The following GALNT13 variants were observed in gnomAD, a reference collection of about 807,000 sequenced individuals.
The protein encoded by GALNT13 is UDP-GalNAc:polypeptide N-acetylgalactosaminyltransferase 13.
In GALNT13, 28 loss-of-function variants were observed where a neutral mutation model predicts 64.2. The observed-to-expected ratio is 0.44, with a 90% CI of 0.32 to 0.60. The LOEUF (loss-of-function observed/expected upper bound fraction) is 0.60. GALNT13 is among the 20% of genes least tolerant of loss of function. The pLI, the probability that GALNT13 is intolerant of heterozygous loss-of-function variation, is 0.05. For synonymous variants in GALNT13, 214 were observed against 224.6 expected (o/e 0.95, Z 0.42); for missense variants, 577 against 669.8 (o/e 0.86, Z 1.53).
chr2:153,215,600 G>A, the GALNT13 span, among the ~76,000 whole-genome samples: 11 of 152,030 alleles, frequency 7.2e-5, no homozygotes, highest in Non-Finnish European at 1.3e-4. Context: ...CAAAAGAAGG[G>A]GATGCGGGTT....
At chr2:153,318,004 TTA>T in the GALNT13 span, among the ~76,000 whole-genome samples, 3 of 152,142 alleles carry the variant, frequency 2.0e-5, no homozygotes, top group Non-Finnish European at 4.4e-5. Context: ...CTGCTGTGAA[TTA>T]TGGCTGTGCT....
chr2:153,623,864 T>C, the GALNT13 span, among the ~76,000 whole-genome samples: 8 of 151,980 alleles, frequency 5.3e-5, no homozygotes, highest in African/African-American at 1.9e-4. Context: ...GTTTTATAAG[T>C]GAGGAATTAA....
Position 153,944,591 on chromosome 2 carries a change from A to AACAAATGT in GALNT13, c.95_102dup (p.Asp35ThrfsTer15). The AACAAATGT allele has an allele frequency of 6.2e-7, 1 of 1,613,630 alleles. No homozygotes were observed. Among genetic ancestry groups the AACAAATGT allele is most frequent in the Non-Finnish European group, 8.5e-7 (1 of 1,179,676 alleles). On this transcript the variant is annotated frameshift_variant, in exon 3 of 13. Coordinates refer to ENST00000392825, the MANE Select transcript of GALNT13 (RefSeq NM_052917.4). LOFTEE classifies it high-confidence loss of function. ...CTTACTGCTGTACTTCAGTGAATGT[A>AACAAATGT]ACAAATGTGATGACAAGAAGGAGAG...
the GALNT13 span, among the ~76,000 whole-genome samples, chr2:153,352,405 CT>C: frequency 6.6e-6 from 1 of 152,058 alleles, no homozygotes; most frequent in African/African-American, 2.4e-5. Context: ...CAGTTTGCCT[CT>C]TTTTATTCTT....
intron 4 of GALNT13, among the ~76,000 whole-genome samples, chr2:154,145,864 A>G (rs1427747460): frequency 6.6e-6 from 1 of 152,036 alleles, no homozygotes; most frequent in African/African-American, 2.4e-5. Flanking sequence ...TTAAAATATG[A>G]TAAATGTAGC....
chr2:153,377,447 C>A, the GALNT13 span, among the ~76,000 whole-genome samples: 1 of 152,022 alleles, frequency 6.6e-6, no homozygotes, highest in African/African-American at 2.4e-5. Flanking sequence ...GGGTGGATCT[C>A]TTATGAATAG....
At chr2:153,813,840 C>T in the GALNT13 span, among the ~76,000 whole-genome samples, 18 of 152,128 alleles carry the variant, frequency 1.2e-4, no homozygotes, top group African/African-American at 4.3e-4. Context: ...GGAATTTGGG[C>T]AAGAATTAAT....
At chr2:153,242,224 GC>G in the GALNT13 span, among the ~76,000 whole-genome samples, 2 of 152,138 alleles carry the variant, frequency 1.3e-5, no homozygotes, top group African/African-American at 4.8e-5. Flanking sequence ...TTAATTCTCA[GC>G]TTCTGGAATG....
chr2:154,340,115 A>G (rs1284696998), intron 9 of GALNT13, among the ~76,000 whole-genome samples: 1 of 152,178 alleles, frequency 6.6e-6, no homozygotes, highest in Non-Finnish European at 1.5e-5. Flanking sequence ...TTCCTAAGAC[A>G]GCCAGGCATA....
At chr2:153,338,096 C>T in the GALNT13 span, among the ~76,000 whole-genome samples, 1 of 151,886 alleles carries the variant, frequency 6.6e-6, no homozygotes, top group South Asian at 2.1e-4. Flanking sequence ...TTCAAGACCA[C>T]CCTGGGCAAT....
chr2:153,789,042 GA>G, the GALNT13 span, among the ~76,000 whole-genome samples: 1 of 152,080 alleles, frequency 6.6e-6, no homozygotes, highest in African/African-American at 2.4e-5. Context: ...ACAGATCATT[GA>G]AGCAGAAAAT....
the GALNT13 span, among the ~76,000 whole-genome samples, chr2:153,528,707 A>G: frequency 5.3e-5 from 8 of 152,016 alleles, no homozygotes; most frequent in Admixed American, 5.2e-4. Flanking sequence ...AAAAACCCTG[A>G]GTAATATCAA....
chr2:154,137,010 C>T (rs573771163), intron 3 of GALNT13, among the ~76,000 whole-genome samples: 1 of 151,320 alleles, frequency 6.6e-6, no homozygotes. Flanking sequence ...GTACATGAGT[C>T]TCTTTGTGTG....
At chr2:154,004,571 G>A (rs1696127846) in intron 3 of GALNT13, among the ~76,000 whole-genome samples, 1 of 152,156 alleles carries the variant, frequency 6.6e-6, no homozygotes, top group Admixed American at 6.5e-5. Flanking sequence ...AAATGAATAT[G>A]AGTCAGCCTT....
chr2:153,267,701 T>G, the GALNT13 span, among the ~76,000 whole-genome samples: 1 of 152,174 alleles, frequency 6.6e-6, no homozygotes, highest in Non-Finnish European at 1.5e-5. Context: ...ATCTCTGATA[T>G]GCCCTGGAGG....
the GALNT13 span, among the ~76,000 whole-genome samples, chr2:153,137,016 G>A: frequency 6.6e-6 from 1 of 151,884 alleles, no homozygotes; most frequent in Non-Finnish European, 1.5e-5. Flanking sequence ...GTTAGGAGAA[G>A]GAAAAGTCCT....
At chr2:153,366,493 G>C in the GALNT13 span, among the ~76,000 whole-genome samples, 1 of 151,890 alleles carries the variant, frequency 6.6e-6, no homozygotes, top group East Asian at 1.9e-4. Context: ...TGGTGGGTGG[G>C]GAGAGAGAAA....
the GALNT13 span, among the ~76,000 whole-genome samples, chr2:153,208,866 A>G: frequency 1.4e-5 from 2 of 146,066 alleles, no homozygotes; most frequent in East Asian, 4.0e-4. Context: ...AGTGGTATCT[A>G]TTTGTTGTCT....
At chr2:153,296,971 A>T in the GALNT13 span, among the ~76,000 whole-genome samples, 5 of 152,326 alleles carry the variant, frequency 3.3e-5, no homozygotes, top group South Asian at 1.0e-3. Flanking sequence ...GAAATCTTTT[A>T]AAATTAATCT....
Sources: gnomAD v4.1 joint callset for allele counts (sites outside exome capture counted in the v4.1 genomes callset) on GRCh38, gnomAD v4.1.1 for gene constraint, MANE v1.5 for transcripts, NCBI Gene and HGNC (gene_info 2026-07-23, HGNC 2026-07-21) for gene names.